Variants in NAV1 observed in about 807,000 individuals in gnomAD.
NAV1 encodes the protein neuron navigator 1.
In NAV1, 18 loss-of-function variants were observed where a neutral mutation model predicts 175.2. That is an observed-to-expected ratio of 0.10 (90% confidence interval 0.07 to 0.15). The LOEUF (loss-of-function observed/expected upper bound fraction) is 0.15, where lower values mean the gene tolerates loss of function less well. Ranked by LOEUF, NAV1 falls within the 10% of genes least tolerant of loss-of-function variation. NAV1 has a pLI of 1.00. For synonymous variants in NAV1, 897 were observed against 978.7 expected (o/e 0.92, Z 1.56); for missense variants, 1,731 against 2,436.6 (o/e 0.71, Z 6.10).
intron 3 of NAV1, among the ~76,000 whole-genome samples, chr1:201,767,533 A>G (rs892347188): frequency 6.6e-6 from 1 of 152,214 alleles, no homozygotes; most frequent in Admixed American, 6.5e-5. Flanking sequence ...TATTTAAAAT[A>G]TTATTTTAAT....
chr1:201,633,590 C>A (rs1216356588), intron 2 of NAV1, among the ~76,000 whole-genome samples: 1 of 152,238 alleles, frequency 6.6e-6, no homozygotes, highest in African/African-American at 2.4e-5. Flanking sequence ...GATCAGTGAG[C>A]CACAGTCCCT....
chr1:201,754,794 T>G (rs371716821), intron 3 of NAV1, among the ~76,000 whole-genome samples: 21 of 152,334 alleles, frequency 1.4e-4, no homozygotes, highest in African/African-American at 5.1e-4. Flanking sequence ...TTTGATTTTA[T>G]TTTGTCCTGT....
chr1:201,551,973 A>G (rs555313419), intron 1 of NAV1, among the ~76,000 whole-genome samples: 1 of 152,288 alleles, frequency 6.6e-6, no homozygotes, highest in South Asian at 2.1e-4. Context: ...AAGATGCCAC[A>G]TCACCCCTCT....
intron 1 of NAV1, among the ~76,000 whole-genome samples, chr1:201,628,860 C>T (rs1180075136): frequency 1.3e-5 from 2 of 152,244 alleles, no homozygotes; most frequent in South Asian, 2.1e-4. Flanking sequence ...CCTGTCCTCC[C>T]GGGAGTCACT....
chr1:201,601,213 G>A (rs1288684226), intron 2 of NAV1, among the ~76,000 whole-genome samples: 1 of 152,232 alleles, frequency 6.6e-6, no homozygotes, highest in Non-Finnish European at 1.5e-5. Flanking sequence ...TGGGTGTAGT[G>A]GCTCATGCCT....
chr1:201,690,299 G>A (rs1322064349), intron 1 of NAV1, among the ~76,000 whole-genome samples: 1 of 103,148 alleles, frequency 9.7e-6, no homozygotes, highest in African/African-American at 3.2e-5. Context: ...CAGAATGCTG[G>A]CTATTTCCTC....
chr1:201,769,384 C>T (rs1170563919), intron 3 of NAV1, among the ~76,000 whole-genome samples: 1 of 152,194 alleles, frequency 6.6e-6, no homozygotes, highest in Non-Finnish European at 1.5e-5. Context: ...TAACCTAGGT[C>T]ACCATCCATC....
intron 1 of NAV1, among the ~76,000 whole-genome samples, chr1:201,670,758 A>G (rs1024500880): frequency 6.6e-6 from 1 of 151,392 alleles, no homozygotes; most frequent in East Asian, 1.9e-4. Flanking sequence ...GGTGGTGGAG[A>G]TGCTGGTGGT....
intron 2 of NAV1, among the ~76,000 whole-genome samples, chr1:201,642,144 T>C (rs1668778871): frequency 6.8e-6 from 1 of 147,356 alleles, no homozygotes; most frequent in Admixed American, 6.8e-5. Flanking sequence ...CTTTCTTTCC[T>C]TCTTTTTCTT....
exon 7 of NAV1, chr1:201,783,583 G>A (rs144457633): frequency 2.6e-5 from 42 of 1,614,044 alleles, no homozygotes; most frequent in African/African-American, 2.5e-4. Context: ...CCCCCAGTCC[G>A]GCACCCATCC....
At chr1:201,681,296 G>A (rs1459881643) in intron 1 of NAV1, among the ~76,000 whole-genome samples, 1 of 152,112 alleles carries the variant, frequency 6.6e-6, no homozygotes, top group African/African-American at 2.4e-5. Context: ...TTGTTAATTG[G>A]CATTACTTAA....
chr1:201,603,598 G>A (rs1667584382), intron 2 of NAV1, among the ~76,000 whole-genome samples: 2 of 152,140 alleles, frequency 1.3e-5, no homozygotes, highest in South Asian at 2.1e-4. Flanking sequence ...TGGGGTGCTT[G>A]GAAGGGCATC....
Position 201,561,953 on chromosome 1 carries a change from C to T in NAV1, c.-144+22611C>T, listed in dbSNP as rs574732344. On this transcript the variant is annotated intron_variant, in intron 1 of 33. Transcript: ENST00000685211. ...AGTTAGGTTTAGGTTTGAGAATCAA[C>T]CAAGGAGACCAAGGAGGTTCTGAAG... 1.1e-4 allele frequency among the ~76,000 whole-genome samples: 16 copies of T among 152,300 alleles called. No individual in the cohort carries two copies. In the South Asian group the frequency reaches 3.3e-3, roughly 32 times the overall value.
rs576685099 is a variant in NAV1, at chr1:201,773,072, T to G, written c.1227-7349T>G. Among the ~76,000 whole-genome samples, 36 of 152,186 alleles carry G rather than the reference T, an allele frequency of 2.4e-4. No homozygotes were observed. The South Asian group carries it at 7.5e-3, about 32-fold the overall frequency. On this transcript the variant is annotated intron_variant, in intron 3 of 29. Coordinates refer to ENST00000367296, the Ensembl canonical transcript of NAV1. Reference sequence around the variant, plus strand: ...AAATACTAGGAGCTTGATGACTGTTTGCTCAATTGAAGTTGAATTTAACCC... The same window carrying G: ...AAATACTAGGAGCTTGATGACTGTTGGCTCAATTGAAGTTGAATTTAACCC...
intron 2 of NAV1, among the ~76,000 whole-genome samples, chr1:201,596,461 A>T (rs916036675): frequency 2.0e-5 from 3 of 152,240 alleles, no homozygotes; most frequent in African/African-American, 7.2e-5. Flanking sequence ...GGCTGGGCTC[A>T]TGTGAAAGAA....
intron 3 of NAV1, among the ~76,000 whole-genome samples, chr1:201,734,244 C>A (rs1025702632): frequency 6.6e-6 from 1 of 151,658 alleles, no homozygotes; most frequent in Non-Finnish European, 1.5e-5. Context: ...TCCTTCTGTA[C>A]AAAAAATTTT....
chr1:201,781,009 T>C lies in NAV1; in HGVS notation c.1366-3T>C, dbSNP rs151235348. On this transcript the variant is annotated splice_polypyrimidine_tract_variant and splice_region_variant and intron_variant, in intron 4 of 29. Transcript: ENST00000367296. ...TCACTCTGCCTTTTTCTCTTTTCTTTAGCTACGCACAGACTCAGAGAAGCG... is the reference window on the plus strand; with the variant it reads ...TCACTCTGCCTTTTTCTCTTTTCTTCAGCTACGCACAGACTCAGAGAAGCG... 7.4e-5 allele frequency: 118 copies of C among 1,589,802 alleles called. No homozygotes were observed. The African/African-American group carries it at 1.5e-3, about 20-fold the overall frequency.
chr1:201,811,544 C>G, intron 24 of NAV1, 59 bp from the exon 29 acceptor site: 1 of 1,605,892 alleles, frequency 6.2e-7, no homozygotes, highest in Non-Finnish European at 8.5e-7. Flanking sequence ...ATCCTGATTT[C>G]CAAGGCCGAT....
intron 3 of NAV1, among the ~76,000 whole-genome samples, chr1:201,742,126 C>T (rs1673460970): frequency 6.6e-6 from 1 of 152,214 alleles, no homozygotes; most frequent in African/African-American, 2.4e-5. Flanking sequence ...CCACACTTCA[C>T]ATATAAAATT....
Sources: gnomAD v4.1 joint callset for allele counts (sites outside exome capture counted in the v4.1 genomes callset) on GRCh38, gnomAD v4.1.1 for gene constraint, MANE v1.5 for transcripts, NCBI Gene and HGNC (gene_info 2026-07-23, HGNC 2026-07-21) for gene names.